TWF2: variants seen among roughly 807,000 people sequenced by gnomAD.
TWF2 encodes twinfilin-2.
In TWF2, 15 loss-of-function variants were observed where a neutral mutation model predicts 45.1. That is an observed-to-expected ratio of 0.33 (90% CI 0.22 to 0.51). The LOEUF (loss-of-function observed/expected upper bound fraction) is 0.51, where lower values mean the gene tolerates loss of function less well. Among genes scored for constraint, TWF2 ranks in the 20% least tolerant of loss-of-function variants. The probability of loss-of-function intolerance (pLI) is 0.97; values close to 1 mark genes in which losing one functional copy is unlikely to be tolerated. For missense variants in TWF2, 423 were observed against 469.1 expected (o/e 0.90, Z 0.91); for synonymous variants, 177 against 195.8 (o/e 0.90, Z 0.80).
chr3:52,229,266 C>A, intron 8 of TWF2, 65 bp from the exon 9 acceptor site: 1 of 1,577,616 alleles, frequency 6.3e-7, no homozygotes, highest in South Asian at 1.1e-5. Flanking sequence ...CCCCTGGTAG[C>A]CCCCACTCCT....
At chr3:52,231,689 C>T (rs1699680242) in intron 3 of TWF2, 150 bp from the exon 4 acceptor site, 2 of 1,024,486 alleles carry the variant, frequency 2.0e-6, no homozygotes, top group African/African-American at 3.2e-5. Flanking sequence ...CAGGTGGCCC[C>T]CACCAGCAGG....
At chr3:52,235,814 A>G (rs1699720832) in intron 1 of TWF2, among the ~76,000 whole-genome samples, 1 of 152,202 alleles carries the variant, frequency 6.6e-6, no homozygotes, top group Admixed American at 6.5e-5. Context: ...ACAGAAGCAC[A>G]TGGACACGCA....
chr3:52,233,070 C>G (rs1284421176), intron 2 of TWF2, among the ~76,000 whole-genome samples: 2 of 152,252 alleles, frequency 1.3e-5, no homozygotes, highest in Non-Finnish European at 2.9e-5. Flanking sequence ...GCCTAGGCCC[C>G]ACAGGCCTGC....
At chr3:52,233,671 G>A (rs1699699386) in intron 2 of TWF2, among the ~76,000 whole-genome samples, 1 of 152,132 alleles carries the variant, frequency 6.6e-6, no homozygotes, top group African/African-American at 2.4e-5. Context: ...GCTTATGCCC[G>A]TAATCCCAGC....
At chr3:52,237,383 T>C (rs944672268) in intron 1 of TWF2, among the ~76,000 whole-genome samples, 3 of 152,190 alleles carry the variant, frequency 2.0e-5, no homozygotes, top group African/African-American at 7.2e-5. Context: ...TCCACACCTA[T>C]GGTCAGGACA....
intron 4 of TWF2, 73 bp downstream of exon 4, chr3:52,231,371 T>C: frequency 6.3e-7 from 1 of 1,586,126 alleles, no homozygotes. Context: ...ACTAGCTTGC[T>C]CTCTGACCCT....
chr3:52,233,541 G>A (rs897870211), intron 2 of TWF2, among the ~76,000 whole-genome samples: 2 of 152,214 alleles, frequency 1.3e-5, no homozygotes, highest in Admixed American at 6.5e-5. Context: ...GCTGCCCATC[G>A]GGGGCCTGGA....
chr3:52,230,526 T>A (rs1699668048), intron 6 of TWF2, among the ~76,000 whole-genome samples: 1 of 151,964 alleles, frequency 6.6e-6, no homozygotes, highest in African/African-American at 2.4e-5. Flanking sequence ...ACAGAGGGGA[T>A]CTCTGACAGG....
At position 52,229,717 on chromosome 3, in the gene TWF2, T is replaced by C; in HGVS notation, c.826A>G (p.Lys276Glu). The change falls in exon 8 of 9, where the codon AAG becomes GAG. Residue 276 changes from lysine (K) to glutamate (E), a missense_variant. By Grantham distance (56) the Lys-to-Glu change is moderately conservative. Transcript: ENST00000305533. ...TCCACGGAGTCGAGGAGGCGGCTCT[T>C]GCAGCTGGAGTAGAGCATTCGCTCC... Reference protein sequence around the residue: ...IKERMLYSSCKSRLLDSVEQD... With the variant: ...IKERMLYSSCESRLLDSVEQD... 1 of 1,613,418 alleles carries C rather than the reference T, an allele frequency of 6.2e-7. No individual in the cohort carries two copies. Among genetic ancestry groups the C allele is most frequent in the South Asian group, 1.1e-5 (1 of 91,088 alleles).
At chr3:52,238,138 G>C (rs1378009414) in intron 1 of TWF2, among the ~76,000 whole-genome samples, 1 of 152,194 alleles carries the variant, frequency 6.6e-6, no homozygotes, top group Non-Finnish European at 1.5e-5. Context: ...TGGGGGCTGG[G>C]GGTGGGAGCT....
intron 2 of TWF2, 166 bp from the exon 3 acceptor site, chr3:52,232,288 A>G: frequency 1.1e-6 from 1 of 919,314 alleles, no homozygotes; most frequent in Non-Finnish European, 1.6e-6. Context: ...TGGCTGAATG[A>G]GTGAGCAAGG....
In TWF2 at chr3:52,235,104, T is replaced by C. The variant is rs1258251485; in HGVS notation, c.28A>G (p.Thr10Ala). 2.5e-6 allele frequency: 4 copies of C among 1,613,826 alleles called. No individual in the cohort carries two copies. The South Asian group carries it at 4.4e-5, about 18-fold the overall frequency. Residue 10 changes from threonine to alanine, a missense_variant and splice_region_variant, in exon 2 of 9, where the codon ACG (threonine) becomes GCG (alanine). Physicochemically the swap from Thr to Ala is moderately conservative, Grantham distance 58 (BLOSUM62 0). Coordinates refer to ENST00000305533, the MANE Select transcript of TWF2 (RefSeq NM_007284.4). ...GCAAAGAATTCCTTCAGCTCTTCCG[T>C]GGCTATAAGAACAAGAAACATGGTG... is the stretch of plus-strand genomic sequence containing the variant. MAHQTGIHA[T>A]EELKEFFAKA... is the part of the protein sequence containing the mutation.
At chr3:52,229,235 G>A in intron 8 of TWF2, 34 bp from the exon 9 acceptor site, 2 of 1,602,840 alleles carry the variant, frequency 1.2e-6, no homozygotes, top group Non-Finnish European at 1.7e-6. Context: ...ACCCCAATGG[G>A]AGGGGCTCTG....
chr3:52,228,867 T>G lies in TWF2; in HGVS notation c.*167A>C. The stretch of plus-strand genomic sequence containing the variant: ...ATGCAGGGACAGCAACAGGGAAGGG[T>G]CACAAAATGCCAGCCCGGTGGCCCT... On this transcript the variant is annotated 3_prime_UTR_variant, in exon 9 of 9. Coordinates refer to ENST00000305533, the MANE Select transcript of TWF2 (RefSeq NM_007284.4). 2.0e-6 allele frequency: 2 copies of G among 1,023,906 alleles called. No homozygotes were observed. Among genetic ancestry groups the G allele is most frequent in the South Asian group, 1.7e-5 (1 of 58,600 alleles). 63.4% of individuals were successfully genotyped at this position (1,023,906 alleles called of 1,614,324 possible). A position where few individuals can be genotyped will look rare whatever the true frequency, so the allele number is the denominator to read the frequency against.
rs1370641206 is a variant in TWF2 at position 52,231,015 on chromosome 3, G to A, written c.484-20C>T. 1.2e-6 allele frequency: 2 copies of A among 1,609,780 alleles called. No homozygotes were observed. The highest frequency in any genetic ancestry group is 8.5e-7 in the Non-Finnish European group (1 of 1,177,828). ...CTTCACCTGTGGGTAGGGGAATGGT[G>A]AGGGAGGCCCTCACCGGCCCAAAGC... On this transcript the variant is annotated intron_variant, in intron 5 of 8. Coordinates refer to ENST00000305533, the MANE Select transcript of TWF2 (RefSeq NM_007284.4).
At chr3:52,234,359 T>C (rs181289624) in intron 2 of TWF2, among the ~76,000 whole-genome samples, 18 of 152,270 alleles carry the variant, frequency 1.2e-4, no homozygotes, top group Admixed American at 9.2e-4. Context: ...AAAAATGTTC[T>C]CTGGCCTCTG....
At chr3:52,234,970 CCA>C (rs954683851) in intron 2 of TWF2, 57 bp downstream of exon 2, 2 of 1,588,306 alleles carry the variant, frequency 1.3e-6, no homozygotes, top group African/African-American at 2.7e-5. Context: ...CTTCCCCCAC[CCA>C]CAGAGGCAGC....
chr3:52,235,770 G>A (rs1166315198), intron 1 of TWF2, among the ~76,000 whole-genome samples: 1 of 152,202 alleles, frequency 6.6e-6, no homozygotes, highest in South Asian at 2.1e-4. Context: ...TGGCTGAGAC[G>A]TGTGTGCAGG....
At chr3:52,229,514 T>C (rs777378764) in intron 8 of TWF2, 147 bp downstream of exon 8, 50 of 1,359,254 alleles carry the variant, frequency 3.7e-5, no homozygotes, top group Non-Finnish European at 4.8e-5. Flanking sequence ...CCTTGGGCCA[T>C]GCGTGTTGCT....
Sources: allele counts gnomAD v4.1 joint callset (sites outside exome capture counted in the v4.1 genomes callset), GRCh38; gene constraint gnomAD v4.1.1; transcripts MANE v1.5; gene names NCBI Gene and HGNC (gene_info 2026-07-23, HGNC 2026-07-21).